Variants in KCNIP4 observed in about 807,000 individuals in gnomAD.
KCNIP4 encodes Kv channel-interacting protein 4.
A neutral mutation model predicts 34.0 loss-of-function variants in KCNIP4; 12 were observed. The ratio of observed to expected loss-of-function variants is 0.35; its 90% confidence interval spans 0.23 to 0.57. The LOEUF is 0.57. Among genes scored for constraint, KCNIP4 ranks in the 20% least tolerant of loss-of-function variants. The pLI is 0.83. For missense variants in KCNIP4, 238 were observed against 311.7 expected (o/e 0.76, Z 1.78); for synonymous variants, 124 against 102.2 (o/e 1.21, Z -1.29).
chr4:21,467,559 G>C (rs921678334), intron 1 of KCNIP4, among the ~76,000 whole-genome samples: 1 of 152,144 alleles, frequency 6.6e-6, no homozygotes, highest in Non-Finnish European at 1.5e-5. Context: ...AAGATAAAAG[G>C]AAGGAAGCAA....
intron 1 of KCNIP4, among the ~76,000 whole-genome samples, chr4:21,405,135 T>A (rs550880255): frequency 6.6e-6 from 1 of 152,252 alleles, no homozygotes; most frequent in South Asian, 2.1e-4. Flanking sequence ...AGACACTTGT[T>A]AGGTTGGTTT....
chr4:20,902,966 A>G (rs1314354178), intron 1 of KCNIP4, among the ~76,000 whole-genome samples: 1 of 152,258 alleles, frequency 6.6e-6, no homozygotes, highest in Admixed American at 6.5e-5. Context: ...TATTACATAG[A>G]GATGACTTAT....
chr4:21,788,694 C>T (rs565470886), intron 1 of KCNIP4, among the ~76,000 whole-genome samples: 1 of 152,134 alleles, frequency 6.6e-6, no homozygotes, highest in Non-Finnish European at 1.5e-5. Flanking sequence ...AAAATAGTTA[C>T]CATTCCTTGA....
At chr4:21,197,450 G>A (rs761608069) in intron 1 of KCNIP4, among the ~76,000 whole-genome samples, 4 of 152,064 alleles carry the variant, frequency 2.6e-5, no homozygotes, top group East Asian at 1.9e-4. Flanking sequence ...TCTTTTAAAC[G>A]TCACAACCAT....
intron 1 of KCNIP4, among the ~76,000 whole-genome samples, chr4:20,938,961 A>G (rs1366992258): frequency 2.6e-5 from 4 of 152,194 alleles, no homozygotes; most frequent in Admixed American, 2.0e-4. Flanking sequence ...CAGCCAACTA[A>G]AAATGATTTT....
intron 1 of KCNIP4, among the ~76,000 whole-genome samples, chr4:21,642,851 T>C (rs765401468): frequency 5.3e-5 from 8 of 152,126 alleles, no homozygotes; most frequent in Non-Finnish European, 8.8e-5. Flanking sequence ...TAAGGAAGAA[T>C]ATGTCTGAAA....
intron 3 of KCNIP4, among the ~76,000 whole-genome samples, chr4:20,765,225 C>T (rs1755292310): frequency 6.6e-6 from 1 of 152,146 alleles, no homozygotes; most frequent in Admixed American, 6.5e-5. Context: ...AGACTCATAA[C>T]TCTGACTCCA....
chr4:21,270,115 A>G (rs1762051721), intron 1 of KCNIP4, among the ~76,000 whole-genome samples: 1 of 152,182 alleles, frequency 6.6e-6, no homozygotes, highest in African/African-American at 2.4e-5. Flanking sequence ...ACCACCGGGG[A>G]GTATCATAGG....
At chr4:21,799,780 C>A (rs1720873861) in intron 1 of KCNIP4, among the ~76,000 whole-genome samples, 1 of 152,162 alleles carries the variant, frequency 6.6e-6, no homozygotes, top group African/African-American at 2.4e-5. Flanking sequence ...TTCCCTCCTT[C>A]TCCCTAGAAC....
chr4:21,345,759 G>C (rs1319911848), intron 1 of KCNIP4, among the ~76,000 whole-genome samples: 1 of 151,934 alleles, frequency 6.6e-6, no homozygotes, highest in Non-Finnish European at 1.5e-5. Context: ...ACAAATTAGA[G>C]ATTTAATTGA....
chr4:20,769,287 A>G (rs767451518), intron 3 of KCNIP4, among the ~76,000 whole-genome samples: 2 of 152,186 alleles, frequency 1.3e-5, no homozygotes, highest in Non-Finnish European at 2.9e-5. Flanking sequence ...TATCTCTTCA[A>G]GTAACTTAAG....
At chr4:20,993,597 A>C (rs570895265) in intron 1 of KCNIP4, among the ~76,000 whole-genome samples, 12 of 152,358 alleles carry the variant, frequency 7.9e-5, no homozygotes, top group Non-Finnish European at 1.3e-4. Flanking sequence ...AGAGAACTGG[A>C]AACAAAATCA....
At chr4:21,354,029 T>C (rs1348366156) in intron 1 of KCNIP4, among the ~76,000 whole-genome samples, 3 of 152,118 alleles carry the variant, frequency 2.0e-5, no homozygotes, top group Non-Finnish European at 4.4e-5. Flanking sequence ...CAACCCAGAA[T>C]TTCATATCCA....
At chr4:21,012,735 G>T (rs1204020316) in intron 1 of KCNIP4, among the ~76,000 whole-genome samples, 2 of 152,168 alleles carry the variant, frequency 1.3e-5, no homozygotes, top group Admixed American at 1.3e-4. Context: ...AGATCACCTA[G>T]GAAGTAGAAC....
chr4:21,681,175 T>G (rs557137029), intron 1 of KCNIP4, among the ~76,000 whole-genome samples: 1 of 152,124 alleles, frequency 6.6e-6, no homozygotes, highest in African/African-American at 2.4e-5. Context: ...CCCTAGCTCA[T>G]GCAACCCTCC....
intron 1 of KCNIP4, among the ~76,000 whole-genome samples, chr4:21,631,188 A>C (rs141553863): frequency 6.6e-6 from 1 of 152,288 alleles, no homozygotes; most frequent in Non-Finnish European, 1.5e-5. Flanking sequence ...ACTTTGTCAT[A>C]TTTATCTTCC....
chr4:20,882,211 T>G (rs1004914783), intron 2 of KCNIP4, among the ~76,000 whole-genome samples: 2 of 152,194 alleles, frequency 1.3e-5, no homozygotes, highest in Admixed American at 1.3e-4. Context: ...TATTTCTGAA[T>G]TTGGGCAGTG....
intron 1 of KCNIP4, among the ~76,000 whole-genome samples, chr4:21,550,476 G>C (rs1738490035): frequency 6.6e-6 from 1 of 152,062 alleles, no homozygotes; most frequent in South Asian, 2.1e-4. Context: ...TTTCTCTTTA[G>C]TACTTTATCT....
At chr4:20,733,034 A>G (rs1028178842) in intron 6 of KCNIP4, among the ~76,000 whole-genome samples, 2 of 152,218 alleles carry the variant, frequency 1.3e-5, no homozygotes, top group Non-Finnish European at 2.9e-5. Flanking sequence ...ATTTCCATGT[A>G]TCTACCATAG....
Sources: allele counts gnomAD v4.1 joint callset (sites outside exome capture counted in the v4.1 genomes callset), GRCh38; gene constraint gnomAD v4.1.1; transcripts MANE v1.5; gene names NCBI Gene and HGNC (gene_info 2026-07-23, HGNC 2026-07-21).